Variants in PI4KA observed in about 807,000 individuals in gnomAD.
PI4KA encodes the protein PI4-kinase alpha.
PI4KA carries 122 observed loss-of-function variants against 271.4 expected under a neutral mutation model. The observed-to-expected ratio is 0.45, with a 90% CI of 0.39 to 0.52. PI4KA has a LOEUF of 0.52. Ranked by LOEUF, PI4KA falls within the 20% of genes least tolerant of loss-of-function variation. The pLI is 0.00. For missense variants in PI4KA, 1,969 were observed against 2,769.1 expected, an observed-to-expected ratio of 0.71 and a Z score of 6.48; for synonymous variants, 1,041 against 1,078.8, an observed-to-expected ratio of 0.96 and a Z score of 0.69.
chr22:20,852,569 T>C (rs1927120025), intron 1 of PI4KA, among the ~76,000 whole-genome samples: 1 of 152,186 alleles, frequency 6.6e-6, no homozygotes, highest in African/African-American at 2.4e-5. Flanking sequence ...CTTCTTCCAA[T>C]TTCTTCTTAA....
At chr22:20,755,546 A>T (rs538317954) in intron 23 of PI4KA, among the ~76,000 whole-genome samples, 15 of 152,344 alleles carry the variant, frequency 9.8e-5, no homozygotes, top group African/African-American at 2.4e-4. Flanking sequence ...CATGCCTGTA[A>T]TCCCAGCATT....
At chr22:20,845,841 G>C (rs1926167291) in intron 1 of PI4KA, among the ~76,000 whole-genome samples, 1 of 152,062 alleles carries the variant, frequency 6.6e-6, no homozygotes, top group Non-Finnish European at 1.5e-5. Flanking sequence ...CTCCAGCCTG[G>C]GCAACAGAGC....
At chr22:20,843,707 T>A (rs1925884976) in intron 1 of PI4KA, among the ~76,000 whole-genome samples, 1 of 152,128 alleles carries the variant, frequency 6.6e-6, no homozygotes, top group Non-Finnish European at 1.5e-5. Context: ...TATTCCTGTT[T>A]TACAGGTTAG....
chr22:20,820,599 G>C lies in PI4KA; in HGVS notation c.469C>G (p.Leu157Val). The C allele has an allele frequency of 1.9e-6, 3 of 1,607,726 alleles. No homozygotes were observed. The highest frequency in any genetic ancestry group is 2.6e-6 in the Non-Finnish European group (3 of 1,175,678). Residue 157 changes from leucine to valine, a missense_variant, in exon 5 of 55, where the codon CTT (leucine) becomes GTT (valine). Physicochemically the swap from Leu to Val is conservative, Grantham distance 32. Transcript: ENST00000255882. ...AAGAGGACATGCAAAACCTGCAAAA[G>C]CACCTCTAAAATCTGTAACAGTCAA... is the stretch of plus-strand genomic sequence containing the variant. ...PSLRDEILEV[L>V]LQVLHVLLGM... is the part of the protein sequence containing the mutation.
In PI4KA at chr22:20,749,989, A is replaced by C; in HGVS notation, c.3159T>G (p.Ile1053Met). 6.2e-7 allele frequency: 1 copy of C among 1,610,236 alleles called. No homozygotes were observed. Among genetic ancestry groups the C allele is most frequent in the South Asian group, 1.1e-5 (1 of 90,996 alleles). Residue 1053 changes from isoleucine to methionine, a missense_variant, in exon 28 of 55, where the codon ATT becomes ATG. Physicochemically the swap from Ile to Met is conservative, Grantham distance 10. Around this residue, in one of 13 missense-constraint regions of PI4KA, gnomAD observed 368 missense variants for 544.3 expected, o/e 0.68. Coordinates refer to ENST00000255882, the MANE Select transcript of PI4KA (RefSeq NM_058004.4). ...CACAGCGTGCAGCGAAGTCCTTCAC[A>C]ATGCTCTGGAAGAGGGTGAAGCTGC... The part of the protein sequence containing the change: ...VPDTYEARES[I>M]VKDFAARCGM...
chr22:20,766,076 C>T (rs553398868), intron 19 of PI4KA, among the ~76,000 whole-genome samples: 2 of 152,260 alleles, frequency 1.3e-5, no homozygotes, highest in African/African-American at 4.8e-5. Flanking sequence ...CCTGTCCAGC[C>T]ACAAGAGCAT....
Position 20,750,936 on chromosome 22 carries a change from C to A in PI4KA, c.3153+357G>T, listed in dbSNP as rs186523385. On this transcript the variant is annotated intron_variant, in intron 27 of 54. Transcript: ENST00000255882. ...ACAATAACAAAATGTCAGTGCACCT[C>A]AGAGAAGTGAAGTCCACCTGAAAAT... is the stretch of plus-strand genomic sequence containing the variant. Among the ~76,000 whole-genome samples the A allele has an allele frequency of 2.3e-3, 343 of 152,350 alleles. 4 individuals are homozygous for A. The highest frequency in any genetic ancestry group is 4.9e-4 in the Non-Finnish European group (33 of 68,036).
At chr22:20,769,277 T>C (rs35275831) in intron 19 of PI4KA, among the ~76,000 whole-genome samples, 39,209 of 152,144 alleles carry the variant, frequency 0.26, 6,727 homozygotes, top group Non-Finnish European at 0.38. Flanking sequence ...AGTGGCTCTG[T>C]GGGTTCTCCC....
At chr22:20,834,859 T>C (rs941364213) in intron 2 of PI4KA, among the ~76,000 whole-genome samples, 8 of 152,194 alleles carry the variant, frequency 5.3e-5, no homozygotes, top group African/African-American at 1.9e-4. Flanking sequence ...GGCTGTCCTA[T>C]CAACCTGTAC....
In PI4KA at chr22:20,712,600, G is replaced by A. The variant is rs1354971927; in HGVS notation, c.5688C>T (p.Ile1896=). Residue 1896 remains isoleucine, a synonymous_variant, in exon 50 of 55, where the codon ATC becomes ATT. Transcript: ENST00000255882. ...GGGAGGTGCAGTCGGGGATGCACTC[G>A]ATCACCCCGCACTAGGAGGAAAGGC... is the stretch of plus-strand genomic sequence containing the variant. ...VVATAPGCGV[I]ECIPDCTSRD... is the part of the protein sequence containing the mutation. 8.2e-6 allele frequency: 13 copies of A among 1,583,822 alleles called. No homozygotes were observed. The Admixed American group carries it at 9.1e-5, about 11-fold the overall frequency.
At chr22:20,851,628 G>A (rs1204022428) in intron 1 of PI4KA, among the ~76,000 whole-genome samples, 1 of 152,188 alleles carries the variant, frequency 6.6e-6, no homozygotes, top group African/African-American at 2.4e-5. Flanking sequence ...GTGAGCCACT[G>A]TGCCCGGCTG....
intron 39 of PI4KA, 53 bp downstream of exon 39, chr22:20,729,260 T>C: frequency 6.6e-7 from 1 of 1,519,890 alleles, no homozygotes; most frequent in Admixed American, 1.8e-5. Context: ...GCAAGCACCC[T>C]GCGCTGGACC....
intron 19 of PI4KA, among the ~76,000 whole-genome samples, chr22:20,781,713 C>A (rs768203096): frequency 1.1e-4 from 16 of 152,236 alleles, no homozygotes; most frequent in Non-Finnish European, 1.9e-4. Context: ...CAGACACACA[C>A]ACAGAGACCA....
intron 2 of PI4KA, among the ~76,000 whole-genome samples, chr22:20,835,989 T>C (rs763092863): frequency 6.6e-6 from 1 of 150,800 alleles, no homozygotes; most frequent in Non-Finnish European, 1.5e-5. Flanking sequence ...GAGGCGGAGC[T>C]TGCAGTGAGC....
Position 20,770,532 on chromosome 22 carries a change from A to AAAAAAG in PI4KA, c.2329-4840_2329-4839insCTTTTT, listed in dbSNP as rs1491322483. Among the ~76,000 whole-genome samples, 108 of 94,908 alleles carry AAAAAAG rather than the reference A, an allele frequency of 1.1e-3. 16 individuals carry two copies. Among genetic ancestry groups the AAAAAAG allele is most frequent in the Middle Eastern group, 5.5e-3 (1 of 182 alleles). The allele number at this position is 94,908 out of a possible 152,430, so 62.3% of individuals were successfully genotyped here. On this transcript the variant is annotated intron_variant, in intron 19 of 54. Transcript: ENST00000255882. Reference sequence around the variant, plus strand: ...CCGTCTCAAAAAAAAAAAAAAAAAAAGAGAGAGAGAGAGATCGGTTTTGCT... The same window carrying AAAAAAG: ...CCGTCTCAAAAAAAAAAAAAAAAAAAAAAAAGGAGAGAGAGAGAGATCGGTTTTGCT...
intron 19 of PI4KA, chr22:20,786,237 A>T: frequency 7.1e-7 from 1 of 1,411,306 alleles, no homozygotes; most frequent in Non-Finnish European, 1.0e-6. Flanking sequence ...CCCACCCCCC[A>T]ATCTCATGTC....
chr22:20,745,414 T>C (rs1929941627), intron 29 of PI4KA, among the ~76,000 whole-genome samples: 1 of 152,172 alleles, frequency 6.6e-6, no homozygotes, highest in South Asian at 2.1e-4. Flanking sequence ...TCCTTTCGCA[T>C]TTCCCTTTAG....
intron 19 of PI4KA, among the ~76,000 whole-genome samples, chr22:20,775,306 T>C (rs894487208): frequency 6.6e-6 from 1 of 152,258 alleles, no homozygotes; most frequent in South Asian, 2.1e-4. Context: ...TTAAACGTCT[T>C]CTACAATGTT....
chr22:20,740,905 A>T (rs949040501), intron 32 of PI4KA, among the ~76,000 whole-genome samples: 2 of 152,270 alleles, frequency 1.3e-5, no homozygotes, highest in Admixed American at 1.3e-4. Context: ...AACTAAGATG[A>T]GAGAATTTAT....
Sources: allele counts gnomAD v4.1 joint callset (sites outside exome capture counted in the v4.1 genomes callset), GRCh38; gene constraint gnomAD v4.1.1; regional missense constraint gnomAD v4.1.1; transcripts MANE v1.5; gene names NCBI Gene and HGNC (gene_info 2026-07-23, HGNC 2026-07-21).